CPNE3: variants seen among roughly 807,000 people sequenced by gnomAD.
CPNE3 encodes the protein copine-3.
CPNE3 carries 68 observed loss-of-function variants against 63.9 expected under a neutral mutation model. That is an observed-to-expected ratio of 1.06 (90% CI 0.87 to 1.30). The LOEUF (loss-of-function observed/expected upper bound fraction) is 1.30. Ranked by LOEUF, CPNE3 falls within the 50% of genes most tolerant of loss-of-function variation. The pLI, the probability that CPNE3 is intolerant of heterozygous loss-of-function variation, is 0.00. For missense variants in CPNE3, 665 were observed against 578.1 expected (o/e 1.15, Z -1.54); for synonymous variants, 219 against 197.5 (o/e 1.11, Z -0.91).
chr8:86,534,985 T>A (rs1182037481), intron 6 of CPNE3, among the ~76,000 whole-genome samples: 1 of 152,228 alleles, frequency 6.6e-6, no homozygotes, highest in Non-Finnish European at 1.5e-5. Flanking sequence ...TCATAGATAC[T>A]TAAGTTATTC....
In CPNE3 at chr8:86,561,084, T is replaced by C. The variant is rs1378984992; in HGVS notation, c.*2674T>C. ...ATCAGAGATTTACAACTGTTCATTA[T>C]AGTGGTGCCTTAGGCAATCTTTCCA... On this transcript the variant is annotated 3_prime_UTR_variant, in exon 17 of 17. Coordinates refer to ENST00000517490, the MANE Select transcript of CPNE3 (RefSeq NM_003909.5). The C allele has an allele frequency of 6.6e-6, 1 of 152,238 alleles. No homozygotes were observed. The highest frequency in any genetic ancestry group is 2.4e-5 in the African/African-American group (1 of 41,460). The allele number at this position is 152,238 out of a possible 1,614,324, so 9.4% of individuals were successfully genotyped here.
At chr8:86,548,999 A>G (rs1821115663) in intron 12 of CPNE3, among the ~76,000 whole-genome samples, 1 of 152,162 alleles carries the variant, frequency 6.6e-6, no homozygotes, top group Non-Finnish European at 1.5e-5. Context: ...AAATATTCTG[A>G]ATGGTTATCA....
At chr8:86,516,326 A>G (rs933683597) in intron 2 of CPNE3, among the ~76,000 whole-genome samples, 1 of 152,240 alleles carries the variant, frequency 6.6e-6, no homozygotes, top group Non-Finnish European at 1.5e-5. Context: ...TAAGGGTTGC[A>G]TAATGACTGG....
intron 4 of CPNE3, 27 bp downstream of exon 4, chr8:86,529,151 A>G: frequency 6.4e-7 from 1 of 1,557,436 alleles, no homozygotes; most frequent in Non-Finnish European, 8.7e-7. Flanking sequence ...ACTGTACTCT[A>G]TTTTGTCTAA....
rs769586297 is a variant in CPNE3, at chr8:86,556,314, T to A, written c.1467T>A (p.Phe489Leu). The A allele has an allele frequency of 8.0e-6, 7 of 872,900 alleles. No individual in the cohort carries two copies. In the Middle Eastern group the frequency reaches 6.5e-4, roughly 81 times the overall value. 54.1% of individuals were successfully genotyped at this position (872,900 alleles called of 1,614,324 possible). Reference protein sequence around the residue: ...GEVAIRDIVQFVPFRQFQNAP... With the variant: ...GEVAIRDIVQLVPFRQFQNAP... ...TGGCCATCAGAGATATTGTCCAGTT[T>A]GTGCCTTTCAGACAGTTCCAGAATG... Residue 489 changes from phenylalanine to leucine, a missense_variant, in exon 16 of 17, where the codon TTT (phenylalanine) becomes TTA (leucine). Physicochemically the swap from Phe to Leu is conservative, Grantham distance 22. Transcript: ENST00000517490.
intron 6 of CPNE3, among the ~76,000 whole-genome samples, chr8:86,537,333 A>T (rs1037920980): frequency 6.6e-6 from 1 of 152,214 alleles, no homozygotes; most frequent in Non-Finnish European, 1.5e-5. Flanking sequence ...TTGAGAAGTC[A>T]GGGTATGATA....
chr8:86,528,016 A>G (rs905059547), intron 2 of CPNE3, among the ~76,000 whole-genome samples: 42 of 126,684 alleles, frequency 3.3e-4, no homozygotes, highest in African/African-American at 1.2e-3. Context: ...TGGCACAGTT[A>G]TAGCTCACTA....
In CPNE3 at chr8:86,550,876, A is replaced by G. The variant is rs1821158262; in HGVS notation, c.1014-170A>G. 1.1e-5 allele frequency: 7 copies of G among 630,482 alleles called. No individual in the cohort carries two copies. The South Asian group carries it at 2.0e-4, about 18-fold the overall frequency. 39.1% of individuals were successfully genotyped at this position (630,482 alleles called of 1,614,324 possible). On this transcript the variant is annotated intron_variant, in intron 12 of 16. Transcript: ENST00000517490. ...CTCAGTGCACAGAAAAATATTTAGG[A>G]TGAGAGTTGTCAAATATTAACATTG... is the stretch of plus-strand genomic sequence containing the variant.
chr8:86,525,893 C>CA (rs974584033), intron 2 of CPNE3, among the ~76,000 whole-genome samples: 89 of 150,454 alleles, frequency 5.9e-4, no homozygotes, highest in Non-Finnish European at 1.1e-3. Flanking sequence ...CTACCTTATG[C>CA]AAAAAAAAAT....
At chr8:86,542,034 T>C (rs1428934996) in intron 8 of CPNE3, among the ~76,000 whole-genome samples, 1 of 152,194 alleles carries the variant, frequency 6.6e-6, no homozygotes, top group Non-Finnish European at 1.5e-5. Context: ...TTTTAAACTT[T>C]TTTGCTCACA....
rs547720018 is a variant in CPNE3 at position 86,549,926 on chromosome 8, C to G, written c.1014-1120C>G. Among the ~76,000 whole-genome samples, 13 of 152,314 alleles carry G rather than the reference C, an allele frequency of 8.5e-5. 1 individual carries two copies. Among genetic ancestry groups the G allele is most frequent in the Admixed American group, 2.0e-4 (3 of 15,306 alleles). On this transcript the variant is annotated intron_variant, in intron 12 of 16. Transcript: ENST00000517490. Reference sequence around the variant, plus strand: ...TCTGATCACATCCAGGCCAGAGAAGCTAGGAAGAGCAGTCTCTAGCTCAGG... The same window carrying G: ...TCTGATCACATCCAGGCCAGAGAAGGTAGGAAGAGCAGTCTCTAGCTCAGG...
At chr8:86,556,038 A>G (rs1177706198) in intron 15 of CPNE3, 64 bp from the exon 16 acceptor site, 4 of 817,804 alleles carry the variant, frequency 4.9e-6, no homozygotes, top group Non-Finnish European at 6.6e-6. Context: ...ATGACTCATC[A>G]AGCCAGAGAT....
At chr8:86,523,672 ACCT>A (rs1441533631) in intron 2 of CPNE3, among the ~76,000 whole-genome samples, 1 of 151,922 alleles carries the variant, frequency 6.6e-6, no homozygotes, top group Non-Finnish European at 1.5e-5. Context: ...TGCAACCTTC[ACCT>A]CCTTGGTTCA....
intron 7 of CPNE3, among the ~76,000 whole-genome samples, chr8:86,537,987 T>A (rs9297924): frequency 0.25 from 35,701 of 141,820 alleles, 4,400 homozygotes; most frequent in Non-Finnish European, 0.28. Context: ...TCTCTCTCTC[T>A]CACACACACA....
rs955361934 is a variant in CPNE3, at chr8:86,528,985, A to G, written c.173A>G (p.Gln58Arg). Reference protein sequence around the residue: ...TERIKNCLNPQFSKTFIIDYY... With the variant: ...TERIKNCLNPRFSKTFIIDYY... ...AGGATTAAGAATTGCTTGAATCCCCAATTTTCCAAGACATTTATTATTGAT... is the reference window on the plus strand; with the variant it reads ...AGGATTAAGAATTGCTTGAATCCCCGATTTTCCAAGACATTTATTATTGAT... Residue 58 changes from glutamine to arginine, a missense_variant, in exon 4 of 17, where the codon CAA becomes CGA. Gln to Arg is a conservative substitution (Grantham distance 43). Coordinates refer to ENST00000517490, the MANE Select transcript of CPNE3 (RefSeq NM_003909.5). 9 of 1,613,670 alleles carry G rather than the reference A, an allele frequency of 5.6e-6. No homozygotes were observed. In the African/African-American group the frequency reaches 1.2e-4, roughly 22 times the overall value.
At position 86,528,655 on chromosome 8, in the gene CPNE3, C is replaced by T. The variant is rs1820596035; in HGVS notation, c.110C>T (p.Thr37Ile). ...CCTTTATGTGTGTTGTTTTTGAATA[C>T]AAGTGGTCAACAGTGGTATGAGGTA... ...SDPLCVLFLN[T>I]SGQQWYEVER... Residue 37 changes from threonine to isoleucine, a missense_variant, in exon 3 of 17, where the codon ACA (threonine) becomes ATA (isoleucine). Physicochemically the swap from Thr to Ile is moderately conservative, Grantham distance 89 (BLOSUM62 -1). Transcript: ENST00000517490. The T allele has an allele frequency of 6.2e-7, 1 of 1,613,338 alleles. No individual in the cohort carries two copies. Among genetic ancestry groups the T allele is most frequent in the Non-Finnish European group, 8.5e-7 (1 of 1,179,784 alleles).
Position 86,548,376 on chromosome 8 carries a change from G to A in CPNE3, c.955G>A (p.Val319Ile), listed in dbSNP as rs143958572. The change falls in exon 12 of 17, where the codon GTT becomes ATT. Residue 319 changes from valine (V) to isoleucine (I), a missense_variant. Transcript: ENST00000517490. ...DSLHYISPNGVNEYLTALWSV... is the reference protein window; with the variant it reads ...DSLHYISPNGINEYLTALWSV... ...CCTTCATTACATCAGCCCCAATGGC[G>A]TTAATGAGTATTTGACTGCTCTCTG... 2.1e-4 allele frequency: 338 copies of A among 1,614,128 alleles called. 1 individual carries two copies. Among genetic ancestry groups the A allele is most frequent in the South Asian group, 5.1e-4 (46 of 91,082 alleles).
Position 86,558,637 on chromosome 8 carries a change from G to T in CPNE3, c.*227G>T. 2.3e-6 allele frequency: 1 copy of T among 443,580 alleles called. No individual in the cohort carries two copies. Among genetic ancestry groups the T allele is most frequent in the Non-Finnish European group, 4.1e-6 (1 of 244,166 alleles). 27.5% of individuals were successfully genotyped at this position (443,580 alleles called of 1,614,324 possible). The stretch of plus-strand genomic sequence containing the variant: ...TGATTGATAGCAATTTACATTAATT[G>T]CAGTAAAGCTCTTTGGATTAGAAAT... On this transcript the variant is annotated 3_prime_UTR_variant, in exon 17 of 17. Coordinates refer to ENST00000517490, the MANE Select transcript of CPNE3 (RefSeq NM_003909.5).
Position 86,541,705 on chromosome 8 carries a change from TA to T in CPNE3, c.633+1390del, listed in dbSNP as rs536813276. 3.7e-3 allele frequency among the ~76,000 whole-genome samples: 458 copies of T among 122,176 alleles called. 2 individuals carry two copies. Among genetic ancestry groups the T allele is most frequent in the African/African-American group, 9.3e-3 (296 of 31,910 alleles). 80.2% of individuals were successfully genotyped at this position (122,176 alleles called of 152,430 possible). A position where few individuals can be genotyped will look rare whatever the true frequency, so the allele number is the denominator to read the frequency against. On this transcript the variant is annotated intron_variant, in intron 8 of 16. Transcript: ENST00000517490. ...TGGGTGATGGAGTGAGACCGTGTCT[TA>T]AAAAAAAAAAAAAAAAAACTGCTTC... is the stretch of plus-strand genomic sequence containing the variant.
Sources: gnomAD v4.1 joint callset for allele counts (sites outside exome capture counted in the v4.1 genomes callset) on GRCh38, gnomAD v4.1.1 for gene constraint, MANE v1.5 for transcripts, NCBI Gene and HGNC (gene_info 2026-07-23, HGNC 2026-07-21) for gene names.